ARHGEF3: variants seen among roughly 807,000 people sequenced by gnomAD.
The protein encoded by ARHGEF3 is Rho guanine nucleotide exchange factor 3.
A neutral mutation model predicts 63.2 loss-of-function variants in ARHGEF3; 28 were observed. The observed-to-expected ratio is 0.44, with a 90% CI of 0.33 to 0.61. ARHGEF3 has a LOEUF of 0.61. Among genes scored for constraint, ARHGEF3 ranks in the 20% least tolerant of loss-of-function variants. The pLI is 0.03. For synonymous variants in ARHGEF3, 266 were observed against 254.2 expected (o/e 1.05, Z -0.44); for missense variants, 533 against 659.3 (o/e 0.81, Z 2.10).
chr3:57,032,485 G>A (rs1703773945), intron 2 of ARHGEF3, among the ~76,000 whole-genome samples: 1 of 152,210 alleles, frequency 6.6e-6, no homozygotes, highest in African/African-American at 2.4e-5. Context: ...AGAGCACTGG[G>A]TAGAAACCAG....
At chr3:57,073,452 A>G in intron 1 of ARHGEF3, 5 of 499,522 alleles carry the variant, frequency 1.0e-5, no homozygotes, top group Non-Finnish European at 1.7e-5. Flanking sequence ...AGAGCTTCCA[A>G]GTAGTGGAAA....
At chr3:56,849,729 T>G (rs770918622) in intron 4 of ARHGEF3, among the ~76,000 whole-genome samples, 1 of 152,146 alleles carries the variant, frequency 6.6e-6, no homozygotes, top group African/African-American at 2.4e-5. Flanking sequence ...TTTCTAGATA[T>G]CAATCTTAAA....
At chr3:57,072,567 C>G (rs1258216924) in intron 1 of ARHGEF3, among the ~76,000 whole-genome samples, 1 of 151,592 alleles carries the variant, frequency 6.6e-6, no homozygotes, top group East Asian at 1.9e-4. Flanking sequence ...ATGGCAAAAC[C>G]CTGTCTCTAC....
intron 2 of ARHGEF3, among the ~76,000 whole-genome samples, chr3:56,981,210 G>A (rs1479550917): frequency 6.6e-6 from 1 of 152,150 alleles, no homozygotes; most frequent in Admixed American, 6.6e-5. Context: ...AACACATGCC[G>A]ATGTCCACAC....
chr3:56,732,163 C>T, intron 9 of ARHGEF3, 75 bp downstream of exon 9: 1 of 1,557,106 alleles, frequency 6.4e-7, no homozygotes, highest in Non-Finnish European at 8.8e-7. Context: ...TTTTCTCTTT[C>T]CACCAGCTGC....
intron 2 of ARHGEF3, among the ~76,000 whole-genome samples, chr3:56,762,291 ACAAG>A (rs1341678262): frequency 1.3e-5 from 2 of 152,168 alleles, no homozygotes; most frequent in African/African-American, 2.4e-5. Flanking sequence ...ATATTCCAGG[ACAAG>A]CAAGAGTTTC....
intron 2 of ARHGEF3, among the ~76,000 whole-genome samples, chr3:57,002,500 A>ATATATATATATATAT (rs1702276506): frequency 1.7e-5 from 1 of 60,124 alleles, no homozygotes; most frequent in Non-Finnish European, 3.3e-5. Flanking sequence ...TATATATGTT[A>ATATATATATATATAT]TATATATATA....
chr3:57,042,677 TATATATATATATATA>T (rs1251066008), intron 1 of ARHGEF3, among the ~76,000 whole-genome samples: 639 of 35,330 alleles, frequency 0.018, 49 homozygotes, highest in Admixed American at 0.049. Context: ...TATATATATA[TATATATATATATATA>T]TATATATATT....
chr3:56,748,547 CTATT>C (rs2034536886), intron 6 of ARHGEF3, among the ~76,000 whole-genome samples: 1 of 109,144 alleles, frequency 9.2e-6, no homozygotes, highest in African/African-American at 4.7e-5. Flanking sequence ...GTGAAAAAAT[CTATT>C]TTTTTTTTTT....
intron 3 of ARHGEF3, among the ~76,000 whole-genome samples, chr3:56,934,133 T>C (rs1163760282): frequency 6.6e-6 from 1 of 152,216 alleles, no homozygotes; most frequent in Non-Finnish European, 1.5e-5. Context: ...TACAGCAGTG[T>C]GAAAATGGAC....
chr3:56,975,404 C>G (rs1361400469), intron 2 of ARHGEF3, among the ~76,000 whole-genome samples: 1 of 151,940 alleles, frequency 6.6e-6, no homozygotes, highest in African/African-American at 2.4e-5. Flanking sequence ...GGCAACAGAG[C>G]AAGACTCTGT....
At chr3:56,735,811 T>C (rs887995774) in intron 8 of ARHGEF3, among the ~76,000 whole-genome samples, 2 of 152,212 alleles carry the variant, frequency 1.3e-5, no homozygotes, top group African/African-American at 4.8e-5. Context: ...TACCATCCAC[T>C]GGATGGATCC....
At chr3:56,733,442 C>T (rs1345585146) in intron 8 of ARHGEF3, among the ~76,000 whole-genome samples, 2 of 143,946 alleles carry the variant, frequency 1.4e-5, no homozygotes, top group African/African-American at 5.2e-5. Context: ...TACCACTGCA[C>T]TTCAGCCTGG....
chr3:56,841,485 G>A (rs1361414042), intron 4 of ARHGEF3, among the ~76,000 whole-genome samples: 1 of 152,124 alleles, frequency 6.6e-6, no homozygotes, highest in Non-Finnish European at 1.5e-5. Flanking sequence ...CATCACGGCA[G>A]TCACTTACAA....
chr3:56,780,118 A>G (rs1236679272), intron 1 of ARHGEF3, among the ~76,000 whole-genome samples: 3 of 152,238 alleles, frequency 2.0e-5, no homozygotes, highest in Non-Finnish European at 4.4e-5. Flanking sequence ...TGGACCATGT[A>G]CTGGACTATA....
intron 2 of ARHGEF3, among the ~76,000 whole-genome samples, chr3:56,968,675 T>G (rs1367000899): frequency 1.3e-5 from 2 of 152,014 alleles, no homozygotes; most frequent in Non-Finnish European, 2.9e-5. Flanking sequence ...AGTTTAGTTT[T>G]AATAGTATAG....
intron 3 of ARHGEF3, among the ~76,000 whole-genome samples, chr3:56,921,941 A>G (rs2108368075): frequency 6.6e-6 from 1 of 152,350 alleles, no homozygotes; most frequent in South Asian, 2.1e-4. Flanking sequence ...TTGAGTGCTT[A>G]TCTTACTGGT....
chr3:56,973,670 T>C (rs1701016073), intron 2 of ARHGEF3, among the ~76,000 whole-genome samples: 1 of 152,112 alleles, frequency 6.6e-6, no homozygotes, highest in African/African-American at 2.4e-5. Flanking sequence ...AGGGAGACTC[T>C]ACTATTTCAC....
chr3:56,852,250 T>A (rs1003613569), intron 4 of ARHGEF3, among the ~76,000 whole-genome samples: 5 of 152,224 alleles, frequency 3.3e-5, no homozygotes, highest in African/African-American at 1.2e-4. Context: ...CCCTCTGTGA[T>A]GAAGTCTCCA....
Sources: allele counts gnomAD v4.1 joint callset (sites outside exome capture counted in the v4.1 genomes callset), GRCh38; gene constraint gnomAD v4.1.1; transcripts MANE v1.5; gene names NCBI Gene and HGNC (gene_info 2026-07-23, HGNC 2026-07-21).